Variants in LAMC1 observed in about 807,000 individuals in gnomAD.
LAMC1 encodes the protein laminin subunit gamma 1, also known as laminin subunit gamma-1.
In LAMC1, 38 loss-of-function variants were observed where a neutral mutation model predicts 173.6. The ratio of observed to expected loss-of-function variants is 0.22; its 90% CI spans 0.17 to 0.29. LAMC1 has a LOEUF of 0.29. Ranked by LOEUF, LAMC1 falls within the 10% of genes least tolerant of loss-of-function variation. The pLI is 1.00. For synonymous variants in LAMC1, 746 were observed against 749.1 expected, an observed-to-expected ratio of 1.00 and a Z score of 0.07; for missense variants, 1,824 against 2,051.8, an observed-to-expected ratio of 0.89 and a Z score of 2.14.
intron 11 of LAMC1, among the ~76,000 whole-genome samples, chr1:183,119,280 G>T (rs539487679): frequency 1.2e-4 from 19 of 152,230 alleles, no homozygotes; most frequent in Non-Finnish European, 2.4e-4. Context: ...TGGAGTTAGT[G>T]ATGATGTGGT....
At chr1:183,097,151 G>C (rs1375821938) in intron 1 of LAMC1, among the ~76,000 whole-genome samples, 1 of 152,200 alleles carries the variant, frequency 6.6e-6, no homozygotes, top group East Asian at 1.9e-4. Context: ...GGGAACTCTT[G>C]TTTCAGCCAG....
chr1:183,105,637 A>AG (rs921120122), intron 2 of LAMC1, among the ~76,000 whole-genome samples: 1 of 150,760 alleles, frequency 6.6e-6, no homozygotes, highest in African/African-American at 2.4e-5. Context: ...CTTGCATTTA[A>AG]AAAAAAAAAT....
At chr1:183,140,022 T>C (rs908210202) in intron 26 of LAMC1, among the ~76,000 whole-genome samples, 1 of 152,046 alleles carries the variant, frequency 6.6e-6, no homozygotes, top group African/African-American at 2.4e-5. Context: ...TTCTGAAACA[T>C]AGTTTCTATA....
At chr1:183,087,467 A>G (rs1236363141) in intron 1 of LAMC1, among the ~76,000 whole-genome samples, 2 of 152,266 alleles carry the variant, frequency 1.3e-5, no homozygotes, top group Non-Finnish European at 2.9e-5. Flanking sequence ...GGATAATTCC[A>G]GGTACTGATA....
rs764053507 is a variant in LAMC1 at position 183,116,908 on chromosome 1, T to C, written c.1564+5T>C. 31 of 1,611,896 alleles carry C rather than the reference T, an allele frequency of 1.9e-5. No homozygotes were observed. The highest frequency in any genetic ancestry group is 2.5e-5 in the Non-Finnish European group (29 of 1,178,664). ...TCTCCTCTACCTTTCAGATTGGTAA[T>C]TTAGACCTCATCCCCCAACCTGTTA... On this transcript the variant is annotated splice_donor_5th_base_variant and intron_variant, in intron 8 of 27. Transcript: ENST00000258341.
In LAMC1 at chr1:183,074,296, A is replaced by G. The variant is rs185190655; in HGVS notation, c.419-29032A>G. ...TTCTCTTGAGTTTTAGGGACGTACA[A>G]CTCAGGAAATGCTGAGTATTTGGAA... On this transcript the variant is annotated intron_variant, in intron 1 of 27. Transcript: ENST00000258341. Among the ~76,000 whole-genome samples the G allele has an allele frequency of 3.9e-5, 6 of 152,320 alleles. No individual in the cohort carries two copies. In the East Asian group the frequency reaches 5.8e-4, roughly 15 times the overall value.
At chr1:183,132,935 A>C (rs561806045) in intron 21 of LAMC1, among the ~76,000 whole-genome samples, 9 of 152,166 alleles carry the variant, frequency 5.9e-5, no homozygotes, top group African/African-American at 2.2e-4. Context: ...TGTGAGATGA[A>C]GTCTCACTCT....
chr1:183,024,197 C>T (rs1253268580), intron 1 of LAMC1, 63 bp downstream of exon 1: 10 of 1,456,174 alleles, frequency 6.9e-6, no homozygotes, highest in African/African-American at 1.4e-5. Context: ...CGGACCGGCT[C>T]CGTCCCAGTG....
At chr1:183,098,936 A>G (rs1655761742) in intron 1 of LAMC1, among the ~76,000 whole-genome samples, 1 of 152,150 alleles carries the variant, frequency 6.6e-6, no homozygotes, top group South Asian at 2.1e-4. Flanking sequence ...GTTCATCTCT[A>G]TCAGAAAACA....
At chr1:183,027,210 G>A (rs972124788) in intron 1 of LAMC1, among the ~76,000 whole-genome samples, 9 of 152,048 alleles carry the variant, frequency 5.9e-5, no homozygotes, top group Non-Finnish European at 1.0e-4. Flanking sequence ...GTGCATCCTC[G>A]GATAAAAAGA....
intron 6 of LAMC1, 61 bp from the exon 7 acceptor site, chr1:183,116,516 G>T: frequency 8.7e-7 from 1 of 1,150,142 alleles, no homozygotes; most frequent in South Asian, 1.4e-5. Context: ...ACAAAGGGCT[G>T]ACTTGAAGAG....
At chr1:183,065,457 T>C (rs1654853739) in intron 1 of LAMC1, among the ~76,000 whole-genome samples, 1 of 152,216 alleles carries the variant, frequency 6.6e-6, no homozygotes, top group Non-Finnish European at 1.5e-5. Context: ...GGTTGCAGTT[T>C]GGAAGCAGAA....
rs369018067 is a variant in LAMC1 at position 183,118,112 on chromosome 1, C to T, written c.1956C>T (p.Thr652=). The T allele has an allele frequency of 1.9e-6, 3 of 1,609,784 alleles. No homozygotes were observed. The highest frequency in any genetic ancestry group is 2.7e-5 in the African/African-American group (2 of 74,788). ...TTCAGAAGCTCCTAAACAACTTGAC[C>T]TCTATCAAGATACGTGGGACATACA... ...FEFQKLLNNL[T]SIKIRGTYSE... The change falls in exon 11 of 28, where the codon ACC becomes ACT. Residue 652 remains threonine, a synonymous_variant. Transcript: ENST00000258341.
At chr1:183,073,754 G>T (rs559113616) in intron 1 of LAMC1, among the ~76,000 whole-genome samples, 4 of 152,136 alleles carry the variant, frequency 2.6e-5, no homozygotes, top group African/African-American at 9.6e-5. Context: ...AGATGGTTAG[G>T]CACATTAAAA....
Position 183,141,579 on chromosome 1 carries a change from T to C in LAMC1, c.4574-955T>C, listed in dbSNP as rs1268533947. Reference sequence around the variant, plus strand: ...TGTCAACACTCTAGCCAGGACTCTTTGTAGCAAGGCATTATATTTTAATTT... The same window carrying C: ...TGTCAACACTCTAGCCAGGACTCTTCGTAGCAAGGCATTATATTTTAATTT... On this transcript the variant is annotated intron_variant, in intron 27 of 27. Coordinates refer to ENST00000258341, the MANE Select transcript of LAMC1 (RefSeq NM_002293.4). 2.6e-5 allele frequency among the ~76,000 whole-genome samples: 4 copies of C among 152,238 alleles called. No homozygotes were observed. The East Asian group carries it at 7.7e-4, about 29-fold the overall frequency.
intron 1 of LAMC1, among the ~76,000 whole-genome samples, chr1:183,044,095 A>G (rs1654206112): frequency 6.6e-6 from 1 of 152,064 alleles, no homozygotes; most frequent in Non-Finnish European, 1.5e-5. Flanking sequence ...ATGGTTATAA[A>G]TGATTGCTTT....
At chr1:183,138,182 C>T in intron 26 of LAMC1, 1 of 957,566 alleles carries the variant, frequency 1.0e-6, no homozygotes, top group Non-Finnish European at 1.2e-6. Flanking sequence ...TATTCTTGTT[C>T]TCCCAGCACC....
intron 1 of LAMC1, among the ~76,000 whole-genome samples, chr1:183,080,175 C>T (rs749527757): frequency 2.0e-5 from 3 of 151,978 alleles, no homozygotes; most frequent in Admixed American, 6.6e-5. Context: ...ACCTGGGAAG[C>T]GGAGGTTGCA....
chr1:183,115,031 C>T (rs1453319235), intron 5 of LAMC1, among the ~76,000 whole-genome samples: 2 of 152,150 alleles, frequency 1.3e-5, no homozygotes, highest in African/African-American at 4.8e-5. Context: ...GTGAGTTCTT[C>T]CTTGTTGATG....
Sources: gnomAD v4.1 joint callset for allele counts (sites outside exome capture counted in the v4.1 genomes callset) on GRCh38, gnomAD v4.1.1 for gene constraint, MANE v1.5 for transcripts, NCBI Gene and HGNC (gene_info 2026-07-23, HGNC 2026-07-21) for gene names.